ENOX1: variants seen among roughly 807,000 people sequenced by gnomAD.
ENOX1 encodes the protein candidate growth-related and time keeping constitutive hydroquinone (NADH) oxidase.
ENOX1 carries 42 observed loss-of-function variants against 82.5 expected under a neutral mutation model. The ratio of observed to expected loss-of-function variants is 0.51; its 90% CI spans 0.40 to 0.66. The LOEUF is 0.66. Ranked by LOEUF, ENOX1 falls within the 30% of genes least tolerant of loss-of-function variation. The pLI is 0.00. For synonymous variants in ENOX1, 271 were observed against 282.2 expected (o/e 0.96, Z 0.40); for missense variants, 608 against 811.6 (o/e 0.75, Z 3.05).
intron 7 of ENOX1, among the ~76,000 whole-genome samples, chr13:43,359,366 G>T (rs1407849236): frequency 2.0e-5 from 3 of 152,184 alleles, no homozygotes. Flanking sequence ...GACACCAGAG[G>T]ACAAGGCTTA....
At chr13:43,477,553 G>T (rs1238908406) in intron 3 of ENOX1, among the ~76,000 whole-genome samples, 1 of 152,158 alleles carries the variant, frequency 6.6e-6, no homozygotes, top group Non-Finnish European at 1.5e-5. Context: ...ACTTACTGTA[G>T]AAGAAAAGAC....
intron 2 of ENOX1, among the ~76,000 whole-genome samples, chr13:43,600,366 T>C (rs2081653038): frequency 6.6e-6 from 1 of 152,034 alleles, no homozygotes; most frequent in Non-Finnish European, 1.5e-5. Context: ...AGCCCTTGGG[T>C]CTTGAAGGAA....
chr13:43,725,474 C>G (rs2088877942), intron 1 of ENOX1, among the ~76,000 whole-genome samples: 1 of 152,106 alleles, frequency 6.6e-6, no homozygotes, highest in Admixed American at 6.5e-5. Flanking sequence ...AGAGTTAAAA[C>G]AGTATCAGCC....
chr13:43,257,626 T>G (rs1450459611), intron 14 of ENOX1, among the ~76,000 whole-genome samples: 2 of 152,188 alleles, frequency 1.3e-5, no homozygotes, highest in Non-Finnish European at 2.9e-5. Flanking sequence ...ATGGTTATCT[T>G]TTTATTTTTT....
intron 3 of ENOX1, among the ~76,000 whole-genome samples, chr13:43,476,456 A>G (rs2058289668): frequency 6.6e-6 from 1 of 152,158 alleles, no homozygotes; most frequent in Non-Finnish European, 1.5e-5. Context: ...AATGGAAGAG[A>G]AAAGGCCTCA....
intron 2 of ENOX1, among the ~76,000 whole-genome samples, chr13:43,596,734 C>T (rs1594020491): frequency 6.6e-6 from 1 of 152,208 alleles, no homozygotes; most frequent in Non-Finnish European, 1.5e-5. Context: ...TTTAGACATA[C>T]TATTTTTCAT....
intron 2 of ENOX1, among the ~76,000 whole-genome samples, chr13:43,608,138 G>A (rs1461756681): frequency 6.6e-6 from 1 of 152,082 alleles, no homozygotes; most frequent in African/African-American, 2.4e-5. Flanking sequence ...TTCAGTAATT[G>A]ACTCCTTAAT....
At position 43,484,042 on chromosome 13, in the gene ENOX1, G is replaced by A; in HGVS notation, c.-108C>T. ...TGCCAGCAGCTCAGAAGACAAATGT[G>A]TTCTCTGGGGACTTGATTGAAACCA... On this transcript the variant is annotated 5_prime_UTR_variant, in exon 3 of 17. Coordinates refer to ENST00000690772, the MANE Select transcript of ENOX1 (RefSeq NM_001347969.2). 1 of 985,436 alleles carries A rather than the reference G, an allele frequency of 1.0e-6. No homozygotes were observed. The highest frequency in any genetic ancestry group is 1.7e-5 in the African/African-American group (1 of 57,312). The allele number at this position is 985,436 out of a possible 1,614,324, so 61.0% of individuals were successfully genotyped here.
chr13:43,446,946 C>T (rs141872689), intron 3 of ENOX1, among the ~76,000 whole-genome samples: 196 of 152,264 alleles, frequency 1.3e-3, no homozygotes, highest in African/African-American at 4.3e-3. Flanking sequence ...GAGTACAATA[C>T]GAACTGGTAA....
At chr13:43,739,762 C>T (rs567378248) in intron 1 of ENOX1, among the ~76,000 whole-genome samples, 10 of 151,836 alleles carry the variant, frequency 6.6e-5, no homozygotes, top group Admixed American at 1.3e-4. Context: ...GTGTGATATA[C>T]GGTTAACCCT....
chr13:43,608,425 G>T (rs1173669191), intron 2 of ENOX1, among the ~76,000 whole-genome samples: 1 of 152,150 alleles, frequency 6.6e-6, no homozygotes, highest in African/African-American at 2.4e-5. Flanking sequence ...ATGAAAAGAT[G>T]AAACTCATCT....
intron 3 of ENOX1, among the ~76,000 whole-genome samples, chr13:43,470,307 CATATATATACACATATATATAT>C (rs1566306044): frequency 5.9e-4 from 25 of 42,480 alleles, no homozygotes; most frequent in African/African-American, 1.7e-3. Flanking sequence ...CATATATATA[CATATATATACACATATATATAT>C]GTATATATAT....
intron 1 of ENOX1, among the ~76,000 whole-genome samples, chr13:43,705,354 TATATATATGTAACACTCCA>T (rs2087200487): frequency 5.5e-3 from 7 of 1,280 alleles, no homozygotes; most frequent in African/African-American, 6.2e-3. Flanking sequence ...ATTTGTAATA[TATATATATGTAACACTCCA>T]ATTACAAGGC....
chr13:43,512,275 C>T (rs188926032), intron 2 of ENOX1, among the ~76,000 whole-genome samples: 8 of 152,170 alleles, frequency 5.3e-5, no homozygotes, highest in Admixed American at 3.9e-4. Flanking sequence ...TTACCCAGCA[C>T]GGTTAGGTTC....
chr13:43,665,531 G>C (rs1383190647), intron 2 of ENOX1, among the ~76,000 whole-genome samples: 3 of 152,124 alleles, frequency 2.0e-5, no homozygotes, highest in Admixed American at 6.6e-5. Flanking sequence ...AGTGCAAAGA[G>C]ATGCAGCTGG....
At chr13:43,377,016 T>G (rs1458503267) in intron 5 of ENOX1, among the ~76,000 whole-genome samples, 8 of 152,196 alleles carry the variant, frequency 5.3e-5, no homozygotes, top group Admixed American at 1.3e-4. Context: ...TTAGCTATGA[T>G]GTTCACTGCC....
intron 8 of ENOX1, among the ~76,000 whole-genome samples, chr13:43,354,495 G>C (rs1273284195): frequency 6.9e-6 from 1 of 145,616 alleles, no homozygotes; most frequent in South Asian, 2.2e-4. Flanking sequence ...TTAAAGCATA[G>C]AATGTCAACT....
chr13:43,313,724 G>T (rs551024311), intron 11 of ENOX1, among the ~76,000 whole-genome samples: 1 of 152,220 alleles, frequency 6.6e-6, no homozygotes, highest in African/African-American at 2.4e-5. Flanking sequence ...TATCCATGCT[G>T]GTTTGTAACT....
At chr13:43,577,128 A>ATTTTTTTTTTT (rs35269534) in intron 2 of ENOX1, among the ~76,000 whole-genome samples, 1 of 150,276 alleles carries the variant, frequency 6.7e-6, no homozygotes, top group Non-Finnish European at 1.5e-5. Flanking sequence ...TGATAAAAAT[A>ATTTTTTTTTTT]TTTTTTTTTT....
Sources: gnomAD v4.1 joint callset for allele counts (sites outside exome capture counted in the v4.1 genomes callset) on GRCh38, gnomAD v4.1.1 for gene constraint, MANE v1.5 for transcripts, NCBI Gene and HGNC (gene_info 2026-07-23, HGNC 2026-07-21) for gene names.